The following NPHP3 variants were observed in gnomAD, a reference collection of about 807,000 sequenced individuals.
NPHP3 encodes nephrocystin-3.
Under a neutral mutation model 171.9 loss-of-function variants are expected in NPHP3, and 123 were observed. That is an observed-to-expected ratio of 0.72 (90% CI 0.62 to 0.83). The LOEUF (loss-of-function observed/expected upper bound fraction) is 0.83. NPHP3 is among the 40% of genes least tolerant of loss of function. The pLI is 0.00. For missense variants in NPHP3, 1,506 were observed against 1,591.9 expected (o/e 0.95, Z 0.92); for synonymous variants, 558 against 579.2 (o/e 0.96, Z 0.52).
chr3:132,719,188 A>T, intron 2 of NPHP3, 44 bp from the exon 3 acceptor site: 2 of 1,485,852 alleles, frequency 1.3e-6, no homozygotes, highest in Non-Finnish European at 1.8e-6. Context: ...TTTCATAATC[A>T]AAAAGTTGTG....
rs1576687972 is a variant in NPHP3 at position 132,719,265 on chromosome 3, T to G, written c.520-121A>C. ...TATTCATTTGGTCCTCGATTTCCTC[T>G]TTCATAGGGTGAATGTCCTAGTACC... On this transcript the variant is annotated intron_variant, in intron 2 of 26. Coordinates refer to ENST00000337331, the MANE Select transcript of NPHP3 (RefSeq NM_153240.5). The G allele has an allele frequency of 1.0e-5, 8 of 771,552 alleles. No individual in the cohort carries two copies. In the East Asian group the frequency reaches 2.1e-4, roughly 21 times the overall value. 47.8% of individuals were successfully genotyped at this position (771,552 alleles called of 1,614,324 possible). A position where few individuals can be genotyped will look rare whatever the true frequency, so the allele number is the denominator to read the frequency against.
chr3:132,682,054 T>C lies in NPHP3; in HGVS notation c.3849A>G (p.Leu1283=). The stretch of plus-strand genomic sequence containing the variant: ...CTTTTATTTCCATTGCCCTTTTGTA[T>C]AATTCAGCAGCTTTTTCAAAATCTC... ...EGGDFEKAAE[L]YKRAMEIKEA... The change falls in exon 27 of 27, where the codon TTA becomes TTG. Residue 1283 remains leucine (L), a synonymous_variant. Transcript: ENST00000337331. The C allele has an allele frequency of 6.2e-7, 1 of 1,614,106 alleles. No homozygotes were observed. The highest frequency in any genetic ancestry group is 8.5e-7 in the Non-Finnish European group (1 of 1,179,960).
At chr3:132,705,692 T>G (rs370425745) in intron 8 of NPHP3, 48 bp downstream of exon 8, 1 of 1,001,814 alleles carries the variant, frequency 1.0e-6, no homozygotes, top group Non-Finnish European at 1.6e-6. Flanking sequence ...TCATAGAAAG[T>G]GATCTTAAAA....
In NPHP3 at chr3:132,699,529, T is replaced by C. The variant is rs1231249438; in HGVS notation, c.1888-79A>G. ...TCCAATAATAGCTCCCCAAATAAAA[T>C]GAAATTCTCATTAAGTTTATCTTAT... On this transcript the variant is annotated intron_variant, in intron 12 of 26. Coordinates refer to ENST00000337331, the MANE Select transcript of NPHP3 (RefSeq NM_153240.5). 4 of 933,320 alleles carry C rather than the reference T, an allele frequency of 4.3e-6. No homozygotes were observed. The African/African-American group carries it at 6.6e-5, about 15-fold the overall frequency. The allele number at this position is 933,320 out of a possible 1,614,324, so 57.8% of individuals were successfully genotyped here. A position where few individuals can be genotyped will look rare whatever the true frequency, so the allele number is the denominator to read the frequency against.
Position 132,689,172 on chromosome 3 carries a change from A to G in NPHP3, c.2785T>C (p.Tyr929His). 6.8e-6 allele frequency: 11 copies of G among 1,614,150 alleles called. No homozygotes were observed. The highest frequency in any genetic ancestry group is 8.5e-6 in the Non-Finnish European group (10 of 1,179,996). The change falls in exon 20 of 27, where the codon TAT (tyrosine) becomes CAT (histidine). Residue 929 changes from tyrosine (Y) to histidine (H), a missense_variant. Tyr to His is a moderately conservative substitution (Grantham distance 83). Coordinates refer to ENST00000337331, the MANE Select transcript of NPHP3 (RefSeq NM_153240.5). ...TCCTCGCCTTCGCAGTTTTTCTCAT[A>G]CTGCTTCAATGAATCGAAGTATTCT... The part of the protein sequence containing the change: ...ATEYFDSLKQ[Y>H]EKNCEGEDNM...
rs192284860 is a variant in NPHP3, at chr3:132,710,084, C to T, written c.1119-1827G>A. Among the ~76,000 whole-genome samples, 25 of 152,186 alleles carry T rather than the reference C, an allele frequency of 1.6e-4. No individual in the cohort carries two copies. In the South Asian group the frequency reaches 3.5e-3, roughly 21 times the overall value. On this transcript the variant is annotated intron_variant, in intron 6 of 26. Coordinates refer to ENST00000337331, the MANE Select transcript of NPHP3 (RefSeq NM_153240.5). ...GAAGCAGATGCTACAGATGAAACAA[C>T]GAGTCATGAGGTGATAATTGCTGAA...
chr3:132,705,591 A>G, intron 8 of NPHP3, 149 bp downstream of exon 8: 1 of 585,670 alleles, frequency 1.7e-6, no homozygotes, highest in South Asian at 2.0e-5. Context: ...AGAACATACC[A>G]CAGGATGGAC....
At chr3:132,713,599 C>G (rs937941182) in intron 5 of NPHP3, among the ~76,000 whole-genome samples, 2 of 152,050 alleles carry the variant, frequency 1.3e-5, no homozygotes, top group African/African-American at 4.8e-5. Context: ...GTTATTATTA[C>G]TATGAACAAT....
chr3:132,683,091 G>A (rs1204894832), intron 25 of NPHP3, among the ~76,000 whole-genome samples: 2 of 152,084 alleles, frequency 1.3e-5, no homozygotes, highest in African/African-American at 4.8e-5. Context: ...TCCCCCACCT[G>A]ATTCTCACCC....
At chr3:132,712,977 TAA>T in intron 6 of NPHP3, 147 bp downstream of exon 6, 1 of 474,984 alleles carries the variant, frequency 2.1e-6, no homozygotes, top group Non-Finnish European at 3.7e-6. Context: ...TTATTTTATT[TAA>T]GTGTGAAACA....
At chr3:132,691,512 C>T (rs1468463844) in intron 17 of NPHP3, among the ~76,000 whole-genome samples, 3 of 152,000 alleles carry the variant, frequency 2.0e-5, no homozygotes, top group Non-Finnish European at 4.4e-5. Flanking sequence ...TTAATTCAAA[C>T]TTTAGTTAAT....
rs119456964 is a variant in NPHP3, at chr3:132,684,784, G to A, written c.3340C>T (p.Gln1114Ter). 1.2e-6 allele frequency: 2 copies of A among 1,613,180 alleles called. No individual in the cohort carries two copies. The highest frequency in any genetic ancestry group is 1.7e-6 in the Non-Finnish European group (2 of 1,179,952). Reference protein sequence around the residue: ...YLQNNLETADQFLKRSLEMRE... With the variant: ...YLQNNLETAD ...ATTTCTAAGGAACGCTTCAGAAACT[G>A]GTCAGCTGTTCTGTGAACACAATCC... The change falls in exon 24 of 27, where the codon CAG becomes TAG. Residue 1114 changes from glutamine (Q) to a stop codon, truncating the protein, a stop_gained. Transcript: ENST00000337331. LOFTEE classifies it high-confidence loss of function.
Position 132,684,716 on chromosome 3 carries a change from C to G in NPHP3, c.3408G>C (p.Gln1136His), listed in dbSNP as rs1472396175. 5 of 1,613,956 alleles carry G rather than the reference C, an allele frequency of 3.1e-6. No homozygotes were observed. The South Asian group carries it at 4.4e-5, about 14-fold the overall frequency. ...VLGPDHPDCA[Q>H]SLNNLAALCN... ...ATAGAGCTGCCAGATTATTCAAAGA[C>G]TGAGCACAGTCAGGGTGATCTGGTC... The change falls in exon 24 of 27, where the codon CAG becomes CAC. Residue 1136 changes from glutamine (Q) to histidine (H), a missense_variant. Gln to His is a conservative substitution (Grantham distance 24, BLOSUM62 0). Coordinates refer to ENST00000337331, the MANE Select transcript of NPHP3 (RefSeq NM_153240.5).
intron 5 of NPHP3, 66 bp from the exon 6 acceptor site, chr3:132,713,352 T>G: frequency 9.1e-7 from 1 of 1,093,644 alleles, no homozygotes; most frequent in South Asian, 1.6e-5. Context: ...AGATTCATAC[T>G]ACTTAAAATA....
At chr3:132,713,516 A>G (rs1036779122) in intron 5 of NPHP3, among the ~76,000 whole-genome samples, 1 of 152,204 alleles carries the variant, frequency 6.6e-6, no homozygotes, top group South Asian at 2.1e-4. Context: ...TCAGAAAATG[A>G]CTTATTTCAT....
chr3:132,701,928 AG>A (rs1159545517), intron 9 of NPHP3, among the ~76,000 whole-genome samples: 1 of 152,200 alleles, frequency 6.6e-6, no homozygotes, highest in Non-Finnish European at 1.5e-5. Flanking sequence ...CAGGAGGCTG[AG>A]GCAAGAGAAT....
At chr3:132,695,779 C>T (rs755809391) in intron 15 of NPHP3, among the ~76,000 whole-genome samples, 1 of 152,044 alleles carries the variant, frequency 6.6e-6, no homozygotes, top group Non-Finnish European at 1.5e-5. Flanking sequence ...ACTAAAAATA[C>T]AAAAATAAGC....
At chr3:132,715,063 C>A (rs759528349) in intron 5 of NPHP3, 22 bp downstream of exon 5, 2 of 1,596,544 alleles carry the variant, frequency 1.3e-6, no homozygotes, top group Non-Finnish European at 1.7e-6. Flanking sequence ...TTGGTTGATA[C>A]AGAATTTATA....
chr3:132,719,586 C>T, intron 2 of NPHP3, 119 bp downstream of exon 2: 1 of 663,068 alleles, frequency 1.5e-6, no homozygotes, highest in Non-Finnish European at 2.2e-6. Flanking sequence ...ATTCTTACAA[C>T]TTTCCTGAAT....
Sources: gnomAD v4.1 joint callset for allele counts (sites outside exome capture counted in the v4.1 genomes callset) on GRCh38, gnomAD v4.1.1 for gene constraint, MANE v1.5 for transcripts, NCBI Gene and HGNC (gene_info 2026-07-23, HGNC 2026-07-21) for gene names.